Variants in DAB1 observed in about 807,000 individuals in gnomAD.
DAB1 encodes the protein DAB adaptor protein 1.
A neutral mutation model predicts 64.6 loss-of-function variants in DAB1; 15 were observed. The observed-to-expected ratio is 0.23, with a 90% CI of 0.16 to 0.36. The LOEUF (loss-of-function observed/expected upper bound fraction) is 0.36, where lower values mean the gene tolerates loss of function less well. DAB1 is among the 10% of genes least tolerant of loss of function. DAB1 has a pLI of 1.00. For missense variants in DAB1, 596 were observed against 706.7 expected (o/e 0.84, Z 1.78); for synonymous variants, 235 against 251.9 (o/e 0.93, Z 0.64).
chr1:58,351,781 T>C (rs891416938), intron 3 of DAB1, among the ~76,000 whole-genome samples: 1 of 149,768 alleles, frequency 6.7e-6, no homozygotes, highest in Non-Finnish European at 1.5e-5. Flanking sequence ...AAAAGATCAA[T>C]GTTAATCTTT....
chr1:57,205,310 T>C (rs1286674556), intron 2 of DAB1, among the ~76,000 whole-genome samples: 2 of 152,192 alleles, frequency 1.3e-5, no homozygotes, highest in African/African-American at 2.4e-5. Context: ...CTTTTACATA[T>C]ACACCTCAAA....
chr1:57,986,360 C>A (rs1646218315), intron 5 of DAB1, among the ~76,000 whole-genome samples: 1 of 152,106 alleles, frequency 6.6e-6, no homozygotes, highest in African/African-American at 2.4e-5. Context: ...AGAGTGCTCC[C>A]TTACCTATTC....
intron 5 of DAB1, among the ~76,000 whole-genome samples, chr1:58,070,048 G>C (rs1387429147): frequency 6.6e-6 from 1 of 152,156 alleles, no homozygotes; most frequent in Non-Finnish European, 1.5e-5. Flanking sequence ...CTCATGCCTT[G>C]CTCAATACTA....
chr1:57,641,876 A>G (rs1456595904), intron 7 of DAB1, among the ~76,000 whole-genome samples: 1 of 152,102 alleles, frequency 6.6e-6, no homozygotes, highest in Non-Finnish European at 1.5e-5. Context: ...CACCTCCTCA[A>G]TTACAGGCTC....
At chr1:57,585,806 A>G (rs1037820661) in intron 7 of DAB1, among the ~76,000 whole-genome samples, 18 of 152,372 alleles carry the variant, frequency 1.2e-4, no homozygotes, top group Non-Finnish European at 2.4e-4. Context: ...ATGAACATAT[A>G]ATAAGTTATG....
rs569339995 is a variant in DAB1, at chr1:57,584,207, A to G, written n.625+65385T>C. ...AATCCAGCCATTCTGTACCTCACTTACGATTTCTATATATCATTTCCCTTT... is the reference window on the plus strand; with the variant it reads ...AATCCAGCCATTCTGTACCTCACTTGCGATTTCTATATATCATTTCCCTTT... On this transcript the variant is annotated intron_variant and non_coding_transcript_variant, in intron 7 of 20. Coordinates refer to the DAB1 transcript ENST00000485760. Among the ~76,000 whole-genome samples the G allele has an allele frequency of 1.6e-4, 25 of 152,278 alleles. No homozygotes were observed. The South Asian group carries it at 5.2e-3, about 32-fold the overall frequency.
intron 4 of DAB1, among the ~76,000 whole-genome samples, chr1:58,261,507 A>G (rs1356505372): frequency 1.3e-5 from 2 of 152,214 alleles, no homozygotes; most frequent in Non-Finnish European, 2.9e-5. Context: ...AGAGAGAAGG[A>G]AAATGGATCT....
At chr1:57,924,611 C>T (rs1354907632) in intron 5 of DAB1, among the ~76,000 whole-genome samples, 1 of 150,736 alleles carries the variant, frequency 6.6e-6, no homozygotes, top group South Asian at 2.1e-4. Flanking sequence ...AGGCACCCAC[C>T]ACCACACTTG....
intron 3 of DAB1, among the ~76,000 whole-genome samples, chr1:58,421,183 C>T (rs1314121185): frequency 1.3e-5 from 2 of 152,158 alleles, no homozygotes; most frequent in African/African-American, 4.8e-5. Context: ...TCACCATCAT[C>T]GTAATGCACC....
intron 6 of DAB1, among the ~76,000 whole-genome samples, chr1:57,686,532 C>T (rs893173584): frequency 6.6e-6 from 1 of 152,126 alleles, no homozygotes; most frequent in African/African-American, 2.4e-5. Context: ...GGAGGAGGGG[C>T]TCCTCCCTAA....
chr1:58,010,710 A>G (rs111589236), intron 5 of DAB1, among the ~76,000 whole-genome samples: 106 of 152,294 alleles, frequency 7.0e-4, no homozygotes, highest in African/African-American at 2.5e-3. Flanking sequence ...CTGATGTTCC[A>G]TTTTGTACTA....
intron 3 of DAB1, among the ~76,000 whole-genome samples, chr1:58,400,255 T>C (rs968236477): frequency 6.6e-6 from 1 of 151,616 alleles, no homozygotes; most frequent in African/African-American, 2.4e-5. Flanking sequence ...GTAATACTCC[T>C]GAGTTTACAT....
At chr1:57,861,855 C>T (rs1224918515) in intron 1 of DAB1, among the ~76,000 whole-genome samples, 1 of 151,242 alleles carries the variant, frequency 6.6e-6, no homozygotes. Flanking sequence ...TTATCTCCTA[C>T]CAAGAACCAA....
At chr1:57,797,080 A>G (rs79874189) in intron 6 of DAB1, among the ~76,000 whole-genome samples, 1 of 152,352 alleles carries the variant, frequency 6.6e-6, no homozygotes, top group African/African-American at 2.4e-5. Flanking sequence ...AAATAAAAAC[A>G]CGGTGCCATC....
At chr1:58,228,993 CT>C in intron 4 of DAB1, 1 of 430,796 alleles carries the variant, frequency 2.3e-6, no homozygotes, top group Non-Finnish European at 4.5e-6. Flanking sequence ...CCCGAAGCCC[CT>C]GTCCCACCTG....
intron 7 of DAB1, among the ~76,000 whole-genome samples, chr1:57,625,451 T>C (rs1645911141): frequency 6.6e-6 from 1 of 152,158 alleles, no homozygotes; most frequent in South Asian, 2.1e-4. Flanking sequence ...ATTTCTGCCC[T>C]TGTAGGCCTC....
rs369604250 is a variant in DAB1, at chr1:57,155,753, C to CTT, written c.68-10326_68-10325dup. ...TACAGTTTTCAATACAGAGATCTTTCTTTTTTTTTTTTTTTGGTTAATTCC... is the reference window on the plus strand; with the variant it reads ...TACAGTTTTCAATACAGAGATCTTTCTTTTTTTTTTTTTTTTTGGTTAATTCC... On this transcript the variant is annotated intron_variant, in intron 2 of 14. Transcript: ENST00000371236. Among the ~76,000 whole-genome samples, 396 of 127,982 alleles carry CTT rather than the reference C, an allele frequency of 3.1e-3. 3 individuals are homozygous for CTT. Among genetic ancestry groups the CTT allele is most frequent in the Middle Eastern group, 0.015 (3 of 194 alleles). The allele number at this position is 127,982 out of a possible 152,430, so 84.0% of individuals were successfully genotyped here. A position where few individuals can be genotyped will look rare whatever the true frequency, so the allele number is the denominator to read the frequency against.
chr1:57,201,235 G>GCATT (rs1235580016), intron 2 of DAB1, among the ~76,000 whole-genome samples: 1 of 151,888 alleles, frequency 6.6e-6, no homozygotes, highest in Non-Finnish European at 1.5e-5. Context: ...CAGCAAGCAA[G>GCATT]CATTCATTCA....
intron 6 of DAB1, among the ~76,000 whole-genome samples, chr1:57,751,690 G>A (rs1167764938): frequency 1.3e-5 from 2 of 152,120 alleles, no homozygotes; most frequent in East Asian, 3.9e-4. Context: ...AAGGAACCAG[G>A]CAGGCAGGGT....
Sources: allele counts gnomAD v4.1 joint callset (sites outside exome capture counted in the v4.1 genomes callset), GRCh38; gene constraint gnomAD v4.1.1; transcripts MANE v1.5; gene names NCBI Gene and HGNC (gene_info 2026-07-23, HGNC 2026-07-21).